RAP1GDS1: variants seen among roughly 807,000 people sequenced by gnomAD.
RAP1GDS1 encodes RAP1, GTP-GDP dissociation stimulator 1.
A neutral mutation model predicts 71.1 loss-of-function variants in RAP1GDS1; 35 were observed. That is an observed-to-expected ratio of 0.49 (90% CI 0.38 to 0.65). The LOEUF (loss-of-function observed/expected upper bound fraction) is 0.65, where lower values mean the gene tolerates loss of function less well. Ranked by LOEUF, RAP1GDS1 falls within the 30% of genes least tolerant of loss-of-function variation. The probability of loss-of-function intolerance (pLI) is 0.00; values close to 1 mark genes in which losing one functional copy is unlikely to be tolerated. For synonymous variants in RAP1GDS1, 229 were observed against 243.1 expected (o/e 0.94, Z 0.54); for missense variants, 663 against 706.1 (o/e 0.94, Z 0.69).
intron 5 of RAP1GDS1, among the ~76,000 whole-genome samples, chr4:98,383,574 A>G (rs747460523): frequency 1.5e-4 from 23 of 151,570 alleles, no homozygotes; most frequent in East Asian, 7.7e-4. Flanking sequence ...TGGGCTGATG[A>G]TAATTAAGCT....
chr4:98,417,275 T>G, intron 8 of RAP1GDS1, 92 bp from the exon 9 acceptor site: 1 of 1,290,370 alleles, frequency 7.7e-7, no homozygotes, highest in Non-Finnish European at 1.1e-6. Flanking sequence ...TTGTGAGGTG[T>G]GAGTTTCCAG....
chr4:98,425,836 G>T (rs1223866578), intron 12 of RAP1GDS1, among the ~76,000 whole-genome samples: 1 of 152,054 alleles, frequency 6.6e-6, no homozygotes, highest in Admixed American at 6.6e-5. Context: ...AGTCAACAAA[G>T]AAACAATGGA....
intron 2 of RAP1GDS1, among the ~76,000 whole-genome samples, chr4:98,306,105 G>T (rs1215145056): frequency 6.6e-6 from 1 of 152,148 alleles, no homozygotes; most frequent in Non-Finnish European, 1.5e-5. Context: ...AGCCAGCTGT[G>T]GGAGTAGTCT....
intron 2 of RAP1GDS1, among the ~76,000 whole-genome samples, chr4:98,335,568 A>C (rs1553977117): frequency 6.6e-6 from 1 of 152,034 alleles, no homozygotes; most frequent in Non-Finnish European, 1.5e-5. Context: ...TTTATTTTAC[A>C]AGTTTGAATT....
In RAP1GDS1 at chr4:98,293,479, T is replaced by G; in HGVS notation, c.76T>G (p.Cys26Gly). Residue 26 changes from cysteine to glycine, a missense_variant, in exon 2 of 15, where the codon TGC (cysteine) becomes GGC (glycine). By Grantham distance (159) the Cys-to-Gly change is radical. Transcript: ENST00000408927. ...VDKTEDSLEGCLDCLLQALAQ... is the reference protein window; with the variant it reads ...VDKTEDSLEGGLDCLLQALAQ... ...CAAGACTGAGGATAGTTTAGAAGGA[T>G]GCTTGGATTGTCTGCTTCAAGCCCT... 6.2e-7 allele frequency: 1 copy of G among 1,610,344 alleles called. No individual in the cohort carries two copies. The highest frequency in any genetic ancestry group is 8.5e-7 in the Non-Finnish European group (1 of 1,178,604).
chr4:98,369,187 G>A (rs1233389067), intron 4 of RAP1GDS1, among the ~76,000 whole-genome samples: 1 of 152,164 alleles, frequency 6.6e-6, no homozygotes, highest in Non-Finnish European at 1.5e-5. Flanking sequence ...ACCTCCAACT[G>A]AGTCCCTCCC....
intron 1 of RAP1GDS1, among the ~76,000 whole-genome samples, chr4:98,263,494 G>A (rs1722309960): frequency 6.6e-6 from 1 of 152,176 alleles, no homozygotes; most frequent in African/African-American, 2.4e-5. Flanking sequence ...TCATTTTGAA[G>A]CCATCTCTGA....
chr4:98,344,526 C>T (rs1241250859), intron 3 of RAP1GDS1, among the ~76,000 whole-genome samples: 2 of 152,062 alleles, frequency 1.3e-5, no homozygotes, highest in African/African-American at 2.4e-5. Context: ...AATGGATTGC[C>T]ATTCCTATAT....
chr4:98,349,777 T>C (rs1316351234), intron 3 of RAP1GDS1, among the ~76,000 whole-genome samples: 3 of 152,176 alleles, frequency 2.0e-5, no homozygotes, highest in Non-Finnish European at 4.4e-5. Flanking sequence ...TTGTCTGTTA[T>C]TGGTGTATAA....
intron 14 of RAP1GDS1, among the ~76,000 whole-genome samples, chr4:98,440,951 C>T (rs1751778422): frequency 6.6e-6 from 1 of 152,196 alleles, no homozygotes; most frequent in Non-Finnish European, 1.5e-5. Context: ...CCTTGGCCTC[C>T]CAAAGTGCTG....
chr4:98,325,828 C>T (rs771556384), intron 2 of RAP1GDS1, among the ~76,000 whole-genome samples: 38 of 148,264 alleles, frequency 2.6e-4, no homozygotes, highest in Non-Finnish European at 2.7e-4. Flanking sequence ...TGCTAGATGA[C>T]GAGTTAGTGG....
At chr4:98,277,823 T>TA (rs1199499069) in intron 1 of RAP1GDS1, among the ~76,000 whole-genome samples, 1 of 152,220 alleles carries the variant, frequency 6.6e-6, no homozygotes, top group Non-Finnish European at 1.5e-5. Flanking sequence ...ATTTTTATAA[T>TA]AGAGTTTGTC....
intron 2 of RAP1GDS1, among the ~76,000 whole-genome samples, chr4:98,316,935 C>T (rs1040728117): frequency 5.3e-5 from 8 of 152,070 alleles, no homozygotes; most frequent in Admixed American, 2.6e-4. Context: ...GTAAGGATGC[C>T]GCTATGGGAT....
chr4:98,293,122 C>G (rs1727209234), intron 1 of RAP1GDS1, among the ~76,000 whole-genome samples: 1 of 151,990 alleles, frequency 6.6e-6, no homozygotes, highest in South Asian at 2.1e-4. Context: ...CCTGAACAAG[C>G]TCAATAAGTT....
At chr4:98,304,277 C>T (rs1728997858) in intron 2 of RAP1GDS1, among the ~76,000 whole-genome samples, 1 of 152,196 alleles carries the variant, frequency 6.6e-6, no homozygotes, top group Non-Finnish European at 1.5e-5. Context: ...AGCACCCTGT[C>T]TTCCACAATG....
At chr4:98,378,105 T>C (rs1419343389) in intron 4 of RAP1GDS1, among the ~76,000 whole-genome samples, 1 of 151,922 alleles carries the variant, frequency 6.6e-6, no homozygotes, top group Non-Finnish European at 1.5e-5. Flanking sequence ...CACATGTGGT[T>C]CACATTTATG....
At chr4:98,284,096 C>T (rs559826893) in intron 1 of RAP1GDS1, among the ~76,000 whole-genome samples, 3 of 152,088 alleles carry the variant, frequency 2.0e-5, no homozygotes, top group Non-Finnish European at 4.4e-5. Context: ...TTATTCTGGG[C>T]AAGTTATTCA....
chr4:98,399,598 C>A (rs1441288010), intron 6 of RAP1GDS1, among the ~76,000 whole-genome samples: 1 of 152,040 alleles, frequency 6.6e-6, no homozygotes, highest in East Asian at 1.9e-4. Context: ...CTGCCCCAGT[C>A]CCATTTTTAA....
chr4:98,325,105 G>T (rs1423392871), intron 2 of RAP1GDS1, among the ~76,000 whole-genome samples: 1 of 151,662 alleles, frequency 6.6e-6, no homozygotes. Context: ...TCAAAAAGTG[G>T]GCGAAGGACA....
Sources: gnomAD v4.1 joint callset for allele counts (sites outside exome capture counted in the v4.1 genomes callset) on GRCh38, gnomAD v4.1.1 for gene constraint, MANE v1.5 for transcripts, NCBI Gene and HGNC (gene_info 2026-07-23, HGNC 2026-07-21) for gene names.